Variants in AKT3 observed in about 807,000 individuals in gnomAD.
The protein encoded by AKT3 is AKT serine/threonine kinase 3.
AKT3 carries 15 observed loss-of-function variants against 65.3 expected under a neutral mutation model. The ratio of observed to expected loss-of-function variants is 0.23; its 90% CI spans 0.15 to 0.35. The LOEUF is 0.35. AKT3 is among the 10% of genes least tolerant of loss of function. The pLI, the probability that AKT3 is intolerant of heterozygous loss-of-function variation, is 1.00. For missense variants in AKT3, 243 were observed against 576.5 expected (o/e 0.42, Z 5.92); for synonymous variants, 206 against 183.8 (o/e 1.12, Z -0.98).
chr1:243,587,170 T>C (rs184397), intron 8 of AKT3, among the ~76,000 whole-genome samples: 152,105 of 152,354 alleles, frequency 1, 75,930 homozygotes, highest in Non-Finnish European at 1. Flanking sequence ...GAAAAATTAG[T>C]ATTGTCAGTG....
intron 2 of AKT3, among the ~76,000 whole-genome samples, chr1:243,789,644 T>G (rs114531307): frequency 6.6e-6 from 1 of 152,228 alleles, no homozygotes; most frequent in Non-Finnish European, 1.5e-5. Flanking sequence ...GATTCATGAA[T>G]GTTCTTAATG....
At chr1:243,657,549 ATTG>A (rs560722816) in intron 4 of AKT3, among the ~76,000 whole-genome samples, 6 of 152,200 alleles carry the variant, frequency 3.9e-5, no homozygotes, top group Non-Finnish European at 8.8e-5. Flanking sequence ...AAGGTTTAAT[ATTG>A]TTAAGATGTC....
At chr1:243,581,130 C>G (rs1675315189) in intron 8 of AKT3, among the ~76,000 whole-genome samples, 1 of 152,222 alleles carries the variant, frequency 6.6e-6, no homozygotes, top group Non-Finnish European at 1.5e-5. Context: ...AGGCACATCT[C>G]TGGGCCCTTG....
chr1:243,807,791 G>T (rs957774826), intron 2 of AKT3, among the ~76,000 whole-genome samples: 1 of 152,186 alleles, frequency 6.6e-6, no homozygotes, highest in African/African-American at 2.4e-5. Context: ...CCCAGTAGGG[G>T]CAGACTGACA....
chr1:243,570,789 T>C (rs1057219637), intron 9 of AKT3, among the ~76,000 whole-genome samples: 4 of 152,352 alleles, frequency 2.6e-5, no homozygotes, highest in African/African-American at 7.2e-5. Flanking sequence ...TTACAGTTTC[T>C]GTCCTATGCT....
At chr1:243,844,429 G>GA (rs1553462528) in intron 1 of AKT3, among the ~76,000 whole-genome samples, 1 of 152,200 alleles carries the variant, frequency 6.6e-6, no homozygotes, top group Non-Finnish European at 1.5e-5. Context: ...GAGCTCTTGG[G>GA]AAGACAATGC....
intron 12 of AKT3, among the ~76,000 whole-genome samples, chr1:243,543,924 A>C (rs1014817475): frequency 6.6e-6 from 1 of 152,200 alleles, no homozygotes; most frequent in African/African-American, 2.4e-5. Context: ...CAATAACATA[A>C]TACAGACATG....
chr1:243,690,576 C>T (rs1393578408), intron 3 of AKT3, among the ~76,000 whole-genome samples: 6 of 152,112 alleles, frequency 3.9e-5, no homozygotes, highest in African/African-American at 1.2e-4. Context: ...GTGATCCACC[C>T]AAAGAAGGGT....
chr1:243,570,466 C>T (rs1013609177), intron 9 of AKT3, among the ~76,000 whole-genome samples: 1 of 152,276 alleles, frequency 6.6e-6, no homozygotes, highest in East Asian at 1.9e-4. Context: ...CATCCCCCCT[C>T]TATAATTTCA....
rs1688361832 is a variant in AKT3 at position 243,744,595 on chromosome 1, C to T, written c.47-48879G>A. On this transcript the variant is annotated intron_variant, in intron 2 of 13. Coordinates refer to ENST00000673466, the MANE Select transcript of AKT3 (RefSeq NM_005465.7). ...TCTACTAAAAATACAAAAAATTAGCCGGGCGTAGTGGCGGGCGCCTGTAGT... is the reference window on the plus strand; with the variant it reads ...TCTACTAAAAATACAAAAAATTAGCTGGGCGTAGTGGCGGGCGCCTGTAGT... Among the ~76,000 whole-genome samples the T allele has an allele frequency of 4.0e-5, 6 of 151,598 alleles. 1 individual carries two copies. The South Asian group carries it at 8.3e-4, about 21-fold the overall frequency.
chr1:243,574,203 TTTC>T (rs1217341224), intron 8 of AKT3, among the ~76,000 whole-genome samples: 2 of 152,138 alleles, frequency 1.3e-5, no homozygotes, highest in Non-Finnish European at 2.9e-5. Flanking sequence ...AAAGTCATTA[TTTC>T]AAGTAACATA....
chr1:243,818,719 A>G (rs886762720), intron 2 of AKT3, among the ~76,000 whole-genome samples: 4 of 152,146 alleles, frequency 2.6e-5, no homozygotes, highest in Non-Finnish European at 5.9e-5. Context: ...TAAAAATCAC[A>G]ATGACAGGCG....
intron 2 of AKT3, among the ~76,000 whole-genome samples, chr1:243,771,840 G>C (rs1690205729): frequency 6.6e-6 from 1 of 152,050 alleles, no homozygotes; most frequent in African/African-American, 2.4e-5. Context: ...CCAAAACAGA[G>C]ATACAGACCA....
At chr1:243,642,059 A>C (rs530139537) in intron 5 of AKT3, among the ~76,000 whole-genome samples, 12 of 152,264 alleles carry the variant, frequency 7.9e-5, no homozygotes, top group African/African-American at 2.2e-4. Flanking sequence ...TCAATCTTTA[A>C]AAAAAAGGGA....
chr1:243,567,059 C>A (rs1674207848), intron 9 of AKT3, among the ~76,000 whole-genome samples: 1 of 152,160 alleles, frequency 6.6e-6, no homozygotes, highest in East Asian at 1.9e-4. Context: ...GCAGGCAGAT[C>A]GCTTGAGCTC....
At position 243,664,808 on chromosome 1, in the gene AKT3, A is replaced by G; in HGVS notation, c.248T>C (p.Ile83Thr). The G allele has an allele frequency of 1.3e-6, 2 of 1,584,546 alleles. No homozygotes were observed. Among genetic ancestry groups the G allele is most frequent in the Non-Finnish European group, 1.7e-6 (2 of 1,168,728 alleles). The stretch of plus-strand genomic sequence containing the variant: ...AGTATCTACATGAAATGTTCTCTCT[A>G]TAACAGTAGTCCACTGGAGACATCT... ...IIRCLQWTTV[I>T]ERTFHVDTPE... Residue 83 changes from isoleucine (I) to threonine (T), a missense_variant, in exon 4 of 14, where the codon ATA becomes ACA. By Grantham distance (89) the Ile-to-Thr change is moderately conservative (BLOSUM62 -1). Coordinates refer to ENST00000673466, the MANE Select transcript of AKT3 (RefSeq NM_005465.7).
chr1:243,844,428 G>C (rs757166111), intron 1 of AKT3, among the ~76,000 whole-genome samples: 4 of 152,158 alleles, frequency 2.6e-5, no homozygotes, highest in Non-Finnish European at 4.4e-5. Context: ...GGAGCTCTTG[G>C]GAAGACAATG....
chr1:243,538,718 G>A (rs1672096463), intron 12 of AKT3, among the ~76,000 whole-genome samples: 1 of 151,806 alleles, frequency 6.6e-6, no homozygotes, highest in African/African-American at 2.4e-5. Flanking sequence ...AGGTAAAGAT[G>A]AGCGCAGTGA....
intron 2 of AKT3, among the ~76,000 whole-genome samples, chr1:243,728,169 T>G (rs140241900): frequency 1.3e-5 from 2 of 152,326 alleles, no homozygotes; most frequent in Non-Finnish European, 2.9e-5. Context: ...GAAACACGCA[T>G]CAACGATTCA....
Sources: gnomAD v4.1 joint callset for allele counts (sites outside exome capture counted in the v4.1 genomes callset) on GRCh38, gnomAD v4.1.1 for gene constraint, MANE v1.5 for transcripts, NCBI Gene and HGNC (gene_info 2026-07-23, HGNC 2026-07-21) for gene names.